Variants in ZNF804A observed in about 807,000 individuals in gnomAD.
ZNF804A encodes the protein zinc finger protein 804A.
In ZNF804A, 2 loss-of-function variants were observed where a neutral mutation model predicts 16.5. The ratio of observed to expected loss-of-function variants is 0.12; its 90% CI spans 0.05 to 0.38. The LOEUF is 0.38. ZNF804A is among the 10% of genes least tolerant of loss of function. The pLI, the probability that ZNF804A is intolerant of heterozygous loss-of-function variation, is 0.99. For synonymous variants in ZNF804A, 534 were observed against 489.6 expected (o/e 1.09, Z -1.20); for missense variants, 1,473 against 1,390.7 (o/e 1.06, Z -0.94).
At chr2:184,606,175 C>T (rs957442099) in intron 1 of ZNF804A, among the ~76,000 whole-genome samples, 3 of 152,086 alleles carry the variant, frequency 2.0e-5, no homozygotes, top group African/African-American at 4.8e-5. Flanking sequence ...TTAGTCAATT[C>T]TCACACTGCT....
At chr2:184,834,839 G>A (rs908069107) in intron 1 of ZNF804A, among the ~76,000 whole-genome samples, 10 of 152,056 alleles carry the variant, frequency 6.6e-5, no homozygotes, top group African/African-American at 1.9e-4. Context: ...CAGCTTTGAA[G>A]CCCTGACTAT....
At chr2:184,620,020 G>A (rs1483990978) in intron 1 of ZNF804A, among the ~76,000 whole-genome samples, 1 of 151,478 alleles carries the variant, frequency 6.6e-6, no homozygotes, top group Non-Finnish European at 1.5e-5. Flanking sequence ...TATTTTGTAG[G>A]TTCTTAACTA....
intron 1 of ZNF804A, among the ~76,000 whole-genome samples, chr2:184,624,290 C>T (rs1691464972): frequency 6.6e-6 from 1 of 151,800 alleles, no homozygotes; most frequent in Admixed American, 6.6e-5. Context: ...TATATTTTAC[C>T]ACAATAAAAA....
chr2:184,657,620 GTATA>G (rs1692102002), intron 1 of ZNF804A, among the ~76,000 whole-genome samples: 1 of 152,154 alleles, frequency 6.6e-6, no homozygotes. Flanking sequence ...AGAAACCTGA[GTATA>G]TGCACCCAAA....
intron 1 of ZNF804A, among the ~76,000 whole-genome samples, chr2:184,661,743 A>AT (rs1195427382): frequency 7.9e-5 from 12 of 152,192 alleles, no homozygotes; most frequent in Admixed American, 3.9e-4. Flanking sequence ...TGTCTTTGGC[A>AT]TGAAGATGGG....
chr2:184,665,488 G>T (rs547513133), intron 1 of ZNF804A, among the ~76,000 whole-genome samples: 1 of 152,260 alleles, frequency 6.6e-6, no homozygotes, highest in African/African-American at 2.4e-5. Context: ...GTTTTCTCTT[G>T]CTGTACAACA....
At chr2:184,838,013 T>G (rs1228385883) in intron 1 of ZNF804A, among the ~76,000 whole-genome samples, 1 of 152,104 alleles carries the variant, frequency 6.6e-6, no homozygotes, top group Non-Finnish European at 1.5e-5. Context: ...CAGAAATTTC[T>G]GAAGGCAGGA....
rs1168146215 is a variant in ZNF804A, at chr2:184,938,668, G to T, written c.3272G>T (p.Cys1091Phe). The change falls in exon 4 of 4, where the codon TGT (cysteine) becomes TTT (phenylalanine). Residue 1091 changes from cysteine (C) to phenylalanine (F), a missense_variant. Physicochemically the swap from Cys to Phe is radical, Grantham distance 205. Transcript: ENST00000302277. ...CCTTTGCCTTTGCAGCAGTCCTTAT[G>T]TTCTACCTCTGTAACCACTATCCAT... The part of the protein sequence containing the change: ...LQPLPLQQSL[C>F]STSVTTIHHT... The T allele has an allele frequency of 1.9e-6, 3 of 1,613,830 alleles. No homozygotes were observed. Among genetic ancestry groups the T allele is most frequent in the Non-Finnish European group, 2.5e-6 (3 of 1,179,930 alleles).
chr2:184,656,473 C>T (rs1692076214), intron 1 of ZNF804A, among the ~76,000 whole-genome samples: 1 of 152,006 alleles, frequency 6.6e-6, no homozygotes, highest in South Asian at 2.1e-4. Flanking sequence ...AGAAATTAAG[C>T]AAAGGTGGCT....
intron 1 of ZNF804A, among the ~76,000 whole-genome samples, chr2:184,659,914 C>G (rs529974548): frequency 6.6e-6 from 1 of 152,064 alleles, no homozygotes; most frequent in Non-Finnish European, 1.5e-5. Flanking sequence ...CAGACCTGAA[C>G]AGGGGGAAAT....
intron 2 of ZNF804A, among the ~76,000 whole-genome samples, chr2:184,906,535 A>T (rs1456232901): frequency 6.6e-6 from 1 of 152,018 alleles, no homozygotes; most frequent in Non-Finnish European, 1.5e-5. Context: ...TACTGGGCTG[A>T]AGAGATCCAT....
At chr2:184,845,032 TATATTTA>T (rs1558979867) in intron 1 of ZNF804A, among the ~76,000 whole-genome samples, 1 of 152,144 alleles carries the variant, frequency 6.6e-6, no homozygotes, top group East Asian at 1.9e-4. Flanking sequence ...TCATTTAAGG[TATATTTA>T]ATTTCTAATA....
intron 1 of ZNF804A, among the ~76,000 whole-genome samples, chr2:184,736,169 A>T (rs1452647687): frequency 2.0e-5 from 3 of 152,010 alleles, no homozygotes; most frequent in Admixed American, 2.0e-4. Context: ...TTCTTTATTG[A>T]TTGCTTACAG....
chr2:184,678,993 C>G (rs531577799), intron 1 of ZNF804A, among the ~76,000 whole-genome samples: 47 of 152,116 alleles, frequency 3.1e-4, no homozygotes, highest in African/African-American at 1.1e-3. Context: ...TATAGTGAGA[C>G]TCGGTTATAA....
intron 1 of ZNF804A, among the ~76,000 whole-genome samples, chr2:184,861,883 C>A (rs940706197): frequency 6.6e-5 from 10 of 152,138 alleles, no homozygotes; most frequent in African/African-American, 2.2e-4. Context: ...TGTGGTCACC[C>A]ATTAAGATTT....
chr2:184,877,014 A>G (rs1322663698), intron 2 of ZNF804A, among the ~76,000 whole-genome samples: 1 of 152,160 alleles, frequency 6.6e-6, no homozygotes, highest in Non-Finnish European at 1.5e-5. Context: ...TTTTATATGC[A>G]TTAAAAAAAA....
intron 1 of ZNF804A, among the ~76,000 whole-genome samples, chr2:184,603,477 T>C (rs1202354279): frequency 6.6e-6 from 1 of 152,218 alleles, no homozygotes; most frequent in East Asian, 1.9e-4. Context: ...GTTTTAGTTT[T>C]CATTATTGAA....
chr2:184,879,731 T>TTTTTG (rs1320487742), intron 2 of ZNF804A, among the ~76,000 whole-genome samples: 1 of 152,068 alleles, frequency 6.6e-6, no homozygotes, highest in African/African-American at 2.4e-5. Context: ...CCCCATTTAG[T>TTTTTG]TTTTGTTTTG....
chr2:184,812,033 C>A (rs1449909099), intron 1 of ZNF804A, among the ~76,000 whole-genome samples: 1 of 152,170 alleles, frequency 6.6e-6, no homozygotes, highest in Non-Finnish European at 1.5e-5. Flanking sequence ...TACACAAATA[C>A]CTAAATAACA....
Sources: gnomAD v4.1 joint callset for allele counts (sites outside exome capture counted in the v4.1 genomes callset) on GRCh38, gnomAD v4.1.1 for gene constraint, MANE v1.5 for transcripts, NCBI Gene and HGNC (gene_info 2026-07-23, HGNC 2026-07-21) for gene names.